Variants in OR3A2 observed in about 807,000 individuals in gnomAD.
OR3A2 encodes olfactory receptor family 3 subfamily A member 2.
For synonymous variants in OR3A2, 126 were observed against 159.3 expected (o/e 0.79, Z 1.57); for missense variants, 318 against 392.8 (o/e 0.81, Z 1.61).
At chr17:3,308,294 C>G (rs1368385082) in intron 3 of OR3A2, among the ~76,000 whole-genome samples, 1 of 152,086 alleles carries the variant, frequency 6.6e-6, no homozygotes, top group Non-Finnish European at 1.5e-5. Context: ...GTTGCTTGTC[C>G]CTTTGTCTGT....
chr17:3,332,953 C>T lies in OR3A2; in HGVS notation c.-85+3080G>A, dbSNP rs1328771934. Among the ~76,000 whole-genome samples, 82 of 152,214 alleles carry T rather than the reference C, an allele frequency of 5.4e-4. 1 individual carries two copies. The highest frequency in any genetic ancestry group is 8.8e-5 in the Non-Finnish European group (6 of 68,006). On this transcript the variant is annotated intron_variant, in intron 3 of 4. Transcript: ENST00000573491. ...TGAAATGAGTGCACCTTGAAAAGAA[C>T]AGAATAACAGCGATTTTAAGGAACA... is the stretch of plus-strand genomic sequence containing the variant.
At chr17:3,351,136 C>T (rs1050214164) in intron 2 of OR3A2, among the ~76,000 whole-genome samples, 2 of 151,000 alleles carry the variant, frequency 1.3e-5, no homozygotes, top group Non-Finnish European at 3.0e-5. Context: ...GACAGGGATG[C>T]CCTCTCTCAC....
In OR3A2 at chr17:3,342,465, T is replaced by A. The variant is rs143768540; in HGVS notation, c.-178-6339A>T. On this transcript the variant is annotated intron_variant, in intron 2 of 4. Transcript: ENST00000573491. ...GATGGGGTTTTGGTGTGGATGTCCTTTTTGTTGATGTTGATGCTATTCCTT... is the reference window on the plus strand; with the variant it reads ...GATGGGGTTTTGGTGTGGATGTCCTATTTGTTGATGTTGATGCTATTCCTT... Among the ~76,000 whole-genome samples, 766 of 152,292 alleles carry A rather than the reference T, an allele frequency of 5.0e-3. 3 individuals carry two copies. The highest frequency in any genetic ancestry group is 0.018 in the African/African-American group (731 of 41,552).
intron 3 of OR3A2, among the ~76,000 whole-genome samples, chr17:3,331,584 C>T (rs2049235032): frequency 6.6e-6 from 1 of 151,952 alleles, no homozygotes; most frequent in Admixed American, 6.6e-5. Flanking sequence ...TTAAGCACTT[C>T]TCTGTATTGG....
upstream of OR3A2, among the ~76,000 whole-genome samples, chr17:3,285,472 C>G (rs1354339965): frequency 2.6e-5 from 4 of 152,148 alleles, no homozygotes; most frequent in African/African-American, 9.7e-5. Flanking sequence ...AACAATTTAT[C>G]TACATATGAA....
intron 3 of OR3A2, among the ~76,000 whole-genome samples, chr17:3,306,108 A>G (rs2676608): frequency 0.66 from 99,623 of 152,038 alleles, 33,620 homozygotes; most frequent in East Asian, 0.99. Context: ...ACAAGCCAAC[A>G]GTGGCTGAGC....
intron 3 of OR3A2, among the ~76,000 whole-genome samples, chr17:3,303,733 G>C (rs1280279744): frequency 1.6e-5 from 1 of 61,724 alleles, no homozygotes; most frequent in Non-Finnish European, 3.3e-5. Flanking sequence ...GAATGAGCAA[G>C]ACTTCATCTC....
chr17:3,322,217 T>C (rs948991552), intron 3 of OR3A2, among the ~76,000 whole-genome samples: 1 of 152,066 alleles, frequency 6.6e-6, no homozygotes, highest in Non-Finnish European at 1.5e-5. Flanking sequence ...TCGGTGGTGA[T>C]ATATCCCCTT....
At chr17:3,290,097 C>A (rs533357555) in intron 3 of OR3A2, among the ~76,000 whole-genome samples, 1 of 152,036 alleles carries the variant, frequency 6.6e-6, no homozygotes, top group Non-Finnish European at 1.5e-5. Flanking sequence ...AAAACGAGTC[C>A]TTGGTGTACT....
At chr17:3,295,520 T>TA (rs2048912034) in intron 3 of OR3A2, among the ~76,000 whole-genome samples, 1 of 152,102 alleles carries the variant, frequency 6.6e-6, no homozygotes, top group Non-Finnish European at 1.5e-5. Context: ...ATGTAGCCCT[T>TA]ACAGTGAAAG....
intron 3 of OR3A2, among the ~76,000 whole-genome samples, chr17:3,306,679 CAA>C (rs71153340): frequency 0.53 from 58,242 of 109,126 alleles, 14,355 homozygotes; most frequent in East Asian, 0.94. Context: ...TACTACTCTT[CAA>C]AAAAAAAAAA....
At chr17:3,330,071 G>A (rs2049216357) in intron 3 of OR3A2, among the ~76,000 whole-genome samples, 1 of 145,688 alleles carries the variant, frequency 6.9e-6, no homozygotes, top group Non-Finnish European at 1.5e-5. Context: ...ACTGTTGTCT[G>A]AGAGATAGTT....
chr17:3,343,742 C>T (rs1270698935), intron 2 of OR3A2, among the ~76,000 whole-genome samples: 1 of 152,120 alleles, frequency 6.6e-6, no homozygotes, highest in Non-Finnish European at 1.5e-5. Flanking sequence ...TGAAAGCTTG[C>T]TTAGTGTCAT....
At chr17:3,340,416 T>C (rs748051621) in intron 2 of OR3A2, among the ~76,000 whole-genome samples, 73 of 152,210 alleles carry the variant, frequency 4.8e-4, no homozygotes, top group Non-Finnish European at 8.8e-4. Context: ...GTGCTATAAA[T>C]TTCCCTTTAC....
chr17:3,354,642 T>C (rs2049449424), intron 2 of OR3A2, among the ~76,000 whole-genome samples: 1 of 151,424 alleles, frequency 6.6e-6, no homozygotes, highest in South Asian at 2.1e-4. Flanking sequence ...TTATTTGGTC[T>C]TCTCTCTTTT....
intron 2 of OR3A2, among the ~76,000 whole-genome samples, chr17:3,360,091 T>A (rs955081458): frequency 2.6e-5 from 4 of 151,870 alleles, no homozygotes; most frequent in Admixed American, 1.3e-4. Context: ...TGTTGTTTCC[T>A]GACTTTTTAA....
chr17:3,371,112 G>A (rs923619749), intron 2 of OR3A2, among the ~76,000 whole-genome samples: 28 of 151,630 alleles, frequency 1.8e-4, no homozygotes, highest in South Asian at 1.3e-3. Context: ...ATCATGGCCC[G>A]TTCTCAATGA....
upstream of OR3A2, among the ~76,000 whole-genome samples, chr17:3,284,718 C>T (rs2005290): frequency 2.4e-5 from 3 of 124,640 alleles, no homozygotes; most frequent in Non-Finnish European, 5.0e-5. Flanking sequence ...AGATGATGTC[C>T]GCTCTGCTTA....
At chr17:3,288,175 A>C (rs567121691), upstream of OR3A2, among the ~76,000 whole-genome samples, 18 of 150,802 alleles carry the variant, frequency 1.2e-4, no homozygotes, top group Non-Finnish European at 2.7e-4. Flanking sequence ...TATATGGCAA[A>C]GAATTACCAT....
Sources: gnomAD v4.1 joint callset for allele counts (sites outside exome capture counted in the v4.1 genomes callset) on GRCh38, gnomAD v4.1.1 for gene constraint, MANE v1.5 for transcripts, NCBI Gene and HGNC (gene_info 2026-07-23, HGNC 2026-07-21) for gene names.